The following ZBTB43 variants were observed in gnomAD, a reference collection of about 807,000 sequenced individuals.
ZBTB43 encodes the protein zinc finger and BTB domain containing 43, also known as zinc finger and BTB domain-containing protein 43.
Under a neutral mutation model 31.1 loss-of-function variants are expected in ZBTB43, and 6 were observed. The observed-to-expected ratio is 0.19, with a 90% CI of 0.11 to 0.38. The LOEUF (loss-of-function observed/expected upper bound fraction) is 0.38, where lower values mean the gene tolerates loss of function less well. ZBTB43 is among the 10% of genes least tolerant of loss of function. The pLI is 1.00. For synonymous variants in ZBTB43, 212 were observed against 221.7 expected, an observed-to-expected ratio of 0.96 and a Z score of 0.39; for missense variants, 379 against 602.1, an observed-to-expected ratio of 0.63 and a Z score of 3.88.
chr9:126,813,836 G>C (rs1197208030), intron 2 of ZBTB43, among the ~76,000 whole-genome samples: 1 of 151,834 alleles, frequency 6.6e-6, no homozygotes, highest in East Asian at 1.9e-4. Context: ...CTATTGCCTT[G>C]TCCTCTTCTC....
intron 2 of ZBTB43, among the ~76,000 whole-genome samples, chr9:126,824,621 A>G (rs914103087): frequency 1.3e-5 from 2 of 152,040 alleles, no homozygotes; most frequent in African/African-American, 4.8e-5. Context: ...GTTTCTGCTT[A>G]TGGTTTCTGA....
intron 2 of ZBTB43, among the ~76,000 whole-genome samples, chr9:126,815,610 TTG>T (rs2032366088): frequency 6.6e-6 from 1 of 151,612 alleles, no homozygotes; most frequent in African/African-American, 2.4e-5. Flanking sequence ...CAATGTATGT[TTG>T]TTTTTTAAAT....
intron 2 of ZBTB43, among the ~76,000 whole-genome samples, chr9:126,819,799 A>G (rs1249522453): frequency 6.6e-6 from 1 of 152,240 alleles, no homozygotes; most frequent in Non-Finnish European, 1.5e-5. Context: ...TAAACAGCCA[A>G]ATTGTGAATG....
At position 126,824,205 on chromosome 9, in the gene ZBTB43, T is replaced by C. The variant is rs112394035; in HGVS notation, c.-23-8282T>C. On this transcript the variant is annotated intron_variant, in intron 2 of 2. Transcript: ENST00000373464. ...CCACGCCTGGCTAATTTTTGGTTTT[T>C]TGGTAGAAATGGGGTTTCACTTTGT... is the stretch of plus-strand genomic sequence containing the variant. 4.0e-3 allele frequency among the ~76,000 whole-genome samples: 603 copies of C among 152,314 alleles called. 10 individuals are homozygous for C. Among genetic ancestry groups the C allele is most frequent in the African/African-American group, 0.014 (583 of 41,570 alleles).
At chr9:126,811,721 G>A (rs1217039531) in intron 2 of ZBTB43, among the ~76,000 whole-genome samples, 1 of 152,264 alleles carries the variant, frequency 6.6e-6, no homozygotes, top group African/African-American at 2.4e-5. Flanking sequence ...CGCCTCCTGG[G>A]TTCAAGTGAT....
At chr9:126,816,957 T>G (rs1290172065) in intron 2 of ZBTB43, among the ~76,000 whole-genome samples, 2 of 152,106 alleles carry the variant, frequency 1.3e-5, no homozygotes, top group African/African-American at 4.8e-5. Context: ...GTTTTGCCAG[T>G]CTGCAGGACC....
chr9:126,834,878 C>T lies in ZBTB43; in HGVS notation c.*965C>T, dbSNP rs1209470522. The T allele has an allele frequency of 6.0e-6, 1 of 167,026 alleles. No individual in the cohort carries two copies. The highest frequency in any genetic ancestry group is 1.5e-5 in the Non-Finnish European group (1 of 68,128). 10.3% of individuals were successfully genotyped at this position (167,026 alleles called of 1,614,324 possible). A position where few individuals can be genotyped will look rare whatever the true frequency, so the allele number is the denominator to read the frequency against. On this transcript the variant is annotated 3_prime_UTR_variant, in exon 3 of 3. Transcript: ENST00000373464. ...ATGACCACACTTAGTGAGAAGGAGC[C>T]ACAAGTTGTGGCTGAGAGTTCCCTG... is the stretch of plus-strand genomic sequence containing the variant.
Position 126,833,195 on chromosome 9 carries a change from G to T in ZBTB43, c.686G>T (p.Arg229Leu). The change falls in exon 3 of 3, where the codon CGG (arginine) becomes CTG (leucine). Residue 229 changes from arginine (R) to leucine (L), a missense_variant. By Grantham distance (102) the Arg-to-Leu change is moderately radical (BLOSUM62 -2). Transcript: ENST00000373464. This position sits in a 1 kb window ranked among gnomAD's most constrained non-coding sequence, Gnocchi z 7.9. ...GACAGCGCCGAGTTCCACTACACCCGGCCCATGTACAGCAAGCCCAGCATC... is the reference window on the plus strand; with the variant it reads ...GACAGCGCCGAGTTCCACTACACCCTGCCCATGTACAGCAAGCCCAGCATC... ...ASDSAEFHYT[R>L]PMYSKPSIMA... 6.2e-7 allele frequency: 1 copy of T among 1,613,690 alleles called. No homozygotes were observed.
rs989951783 is a variant in ZBTB43, at chr9:126,834,503, T to G, written c.*590T>G. The G allele has an allele frequency of 6.0e-6, 1 of 167,090 alleles. No individual in the cohort carries two copies. The highest frequency in any genetic ancestry group is 2.4e-5 in the African/African-American group (1 of 41,434). 10.4% of individuals were successfully genotyped at this position (167,090 alleles called of 1,614,324 possible). On this transcript the variant is annotated 3_prime_UTR_variant, in exon 3 of 3. Transcript: ENST00000373464. ...TGCTAAGAGAGTGACTTTCTAAATATGAAACAGATAATTTACGGTACAAGG... is the reference window on the plus strand; with the variant it reads ...TGCTAAGAGAGTGACTTTCTAAATAGGAAACAGATAATTTACGGTACAAGG...
At chr9:126,826,535 C>T (rs1588364218) in intron 2 of ZBTB43, among the ~76,000 whole-genome samples, 2 of 135,076 alleles carry the variant, frequency 1.5e-5, no homozygotes, top group African/African-American at 5.4e-5. Context: ...ACATTCTCAG[C>T]TCACTGCAAG....
In ZBTB43 at chr9:126,835,569, A is replaced by G. The variant is rs1170254326; in HGVS notation, c.*1656A>G. The G allele has an allele frequency of 6.0e-6, 1 of 167,096 alleles. No homozygotes were observed. Among genetic ancestry groups the G allele is most frequent in the Non-Finnish European group, 1.5e-5 (1 of 68,124 alleles). The allele number at this position is 167,096 out of a possible 1,614,324, so 10.4% of individuals were successfully genotyped here. On this transcript the variant is annotated 3_prime_UTR_variant, in exon 3 of 3. Coordinates refer to ENST00000373464, the MANE Select transcript of ZBTB43 (RefSeq NM_014007.4). ...TCAAGCTCCTAACACCAGGGTGTTT[A>G]CTTGTTGAACATTGTCTGGAAAGAG... is the stretch of plus-strand genomic sequence containing the variant.
chr9:126,808,212 C>A (rs1178807085), intron 1 of ZBTB43, among the ~76,000 whole-genome samples: 1 of 152,074 alleles, frequency 6.6e-6, no homozygotes, highest in Non-Finnish European at 1.5e-5. Context: ...TAGAACGTTA[C>A]CTTCTCTTTT....
chr9:126,828,191 A>T (rs72762570), intron 2 of ZBTB43, among the ~76,000 whole-genome samples: 5,875 of 149,164 alleles, frequency 0.039, 244 homozygotes, highest in African/African-American at 0.11. Flanking sequence ...TTATTTATTT[A>T]TTTTTTTTTT....
At chr9:126,820,248 A>G (rs1187649108) in intron 2 of ZBTB43, among the ~76,000 whole-genome samples, 4 of 152,244 alleles carry the variant, frequency 2.6e-5, no homozygotes, top group Non-Finnish European at 4.4e-5. Context: ...TATGACTTCC[A>G]TAGCTAGAGA....
intron 2 of ZBTB43, among the ~76,000 whole-genome samples, chr9:126,827,745 C>T (rs145842460): frequency 6.6e-6 from 1 of 152,136 alleles, no homozygotes; most frequent in East Asian, 1.9e-4. Flanking sequence ...AGGTGGCTCA[C>T]GCCTGTAATC....
chr9:126,818,302 T>A (rs1052573252), intron 2 of ZBTB43, among the ~76,000 whole-genome samples: 5 of 150,342 alleles, frequency 3.3e-5, no homozygotes, highest in East Asian at 3.9e-4. Flanking sequence ...AAAAAATATA[T>A]ATATATATAT....
At chr9:126,806,114 A>G (rs1281813382) in intron 1 of ZBTB43, among the ~76,000 whole-genome samples, 1 of 152,116 alleles carries the variant, frequency 6.6e-6, no homozygotes, top group East Asian at 1.9e-4. Context: ...ACAGCTTCCC[A>G]AATGCCTTCG....
rs368121343 is a variant in ZBTB43, at chr9:126,817,562, G to A, written c.-24+8647G>A. Among the ~76,000 whole-genome samples, 41 of 149,648 alleles carry A rather than the reference G, an allele frequency of 2.7e-4. No individual in the cohort carries two copies. The East Asian group carries it at 4.2e-3, about 15-fold the overall frequency. ...GTGATTGCGGCTCCCTGCAAGCTCCGCCTCCCAGGTTCACACCATTCTCCT... is the reference window on the plus strand; with the variant it reads ...GTGATTGCGGCTCCCTGCAAGCTCCACCTCCCAGGTTCACACCATTCTCCT... On this transcript the variant is annotated intron_variant, in intron 2 of 2. Transcript: ENST00000373464.
chr9:126,828,161 C>T (rs1164332677), intron 2 of ZBTB43, among the ~76,000 whole-genome samples: 1 of 152,036 alleles, frequency 6.6e-6, no homozygotes, highest in Non-Finnish European at 1.5e-5. Context: ...AAAATAAACA[C>T]CCATGTATTA....
Sources: allele counts gnomAD v4.1 joint callset (sites outside exome capture counted in the v4.1 genomes callset), GRCh38; gene constraint gnomAD v4.1.1; non-coding constraint Gnocchi (gnomAD v3.1); transcripts MANE v1.5; gene names NCBI Gene and HGNC (gene_info 2026-07-23, HGNC 2026-07-21).